The following MALRD1 variants were observed in gnomAD, a reference collection of about 807,000 sequenced individuals.
MALRD1 encodes MAM and LDL receptor class A domain containing 1.
In MALRD1, 247 loss-of-function variants were observed where a neutral mutation model predicts 242.1. The ratio of observed to expected loss-of-function variants is 1.02; its 90% CI spans 0.92 to 1.13. The LOEUF is 1.13. MALRD1 is among the 50% of genes most tolerant of loss of function. The pLI is 0.00. For synonymous variants in MALRD1, 995 were observed against 866.6 expected, an observed-to-expected ratio of 1.15 and a Z score of -2.60; for missense variants, 2,989 against 2,533.1, an observed-to-expected ratio of 1.18 and a Z score of -3.86.
chr10:19,209,772 G>A, intron 18 of MALRD1, 92 bp downstream of exon 18: 1 of 1,290,582 alleles, frequency 7.7e-7, no homozygotes, highest in Non-Finnish European at 1.0e-6. Context: ...TTAAAAGCAA[G>A]TGGAATTTGA....
At chr10:19,140,537 G>A (rs980864594) in intron 10 of MALRD1, among the ~76,000 whole-genome samples, 1 of 107,874 alleles carries the variant, frequency 9.3e-6, no homozygotes, top group South Asian at 3.5e-4. Flanking sequence ...GTGTGTGTGT[G>A]TGTGTATGTG....
At chr10:19,475,376 C>T (rs952163699) in intron 29 of MALRD1, among the ~76,000 whole-genome samples, 30 of 152,290 alleles carry the variant, frequency 2.0e-4, no homozygotes, top group Admixed American at 5.2e-4. Context: ...GATTGCATCA[C>T]TGCATTCCAG....
At chr10:19,565,508 T>C (rs982696849) in intron 32 of MALRD1, among the ~76,000 whole-genome samples, 1 of 152,216 alleles carries the variant, frequency 6.6e-6, no homozygotes, top group Admixed American at 6.5e-5. Flanking sequence ...CCAAGATTTG[T>C]GTAAAAATCA....
intron 33 of MALRD1, among the ~76,000 whole-genome samples, chr10:19,568,439 C>G (rs1361486386): frequency 6.6e-6 from 1 of 151,954 alleles, no homozygotes; most frequent in African/African-American, 2.4e-5. Context: ...TTGTTCTTCT[C>G]ATAGTTTTTC....
intron 38 of MALRD1, among the ~76,000 whole-genome samples, chr10:19,707,100 CCTT>C (rs986612637): frequency 1.1e-4 from 17 of 149,954 alleles, no homozygotes; most frequent in African/African-American, 1.5e-4. Context: ...CCTCTTCCTC[CCTT>C]CTTCTTCCTT....
chr10:19,216,344 C>G (rs1837314374), intron 18 of MALRD1, among the ~76,000 whole-genome samples: 1 of 151,838 alleles, frequency 6.6e-6, no homozygotes, highest in African/African-American at 2.4e-5. Context: ...TCTTGAACTC[C>G]TGACCTTGTG....
intron 38 of MALRD1, among the ~76,000 whole-genome samples, chr10:19,699,818 C>G (rs1833542076): frequency 6.6e-6 from 1 of 151,864 alleles, no homozygotes. Context: ...CTGGTGAGAC[C>G]TCACTCACTA....
In MALRD1 at chr10:19,560,959, A is replaced by T. The variant is rs185915957; in HGVS notation, c.5479-6543A>T. ...TGTATCCCAAAACTTAAAGTATAAT[A>T]AAAAAATGATAATCATACTAAAGGA... On this transcript the variant is annotated intron_variant, in intron 32 of 39. Coordinates refer to ENST00000454679, the MANE Select transcript of MALRD1 (RefSeq NM_001142308.3). Among the ~76,000 whole-genome samples, 70 of 152,290 alleles carry T rather than the reference A, an allele frequency of 4.6e-4. No homozygotes were observed. The East Asian group carries it at 0.013, about 28-fold the overall frequency.
chr10:19,679,610 G>C (rs1022738383), intron 36 of MALRD1, among the ~76,000 whole-genome samples: 2 of 151,818 alleles, frequency 1.3e-5, no homozygotes, highest in Admixed American at 1.3e-4. Context: ...ACACCTGCTG[G>C]ATTCGTTGAT....
chr10:19,414,236 A>G (rs1303386324), intron 28 of MALRD1, among the ~76,000 whole-genome samples: 1 of 152,196 alleles, frequency 6.6e-6, no homozygotes, highest in East Asian at 1.9e-4. Context: ...CATGGAACAC[A>G]CTAGAGGGGG....
At chr10:19,372,251 TTG>T (rs1845411694) in intron 26 of MALRD1, among the ~76,000 whole-genome samples, 1 of 152,216 alleles carries the variant, frequency 6.6e-6, no homozygotes, top group South Asian at 2.1e-4. Context: ...TCTTGGATTG[TTG>T]AGGGGAGAAT....
chr10:19,397,729 G>A (rs1846646518), intron 28 of MALRD1, among the ~76,000 whole-genome samples: 2 of 152,002 alleles, frequency 1.3e-5, no homozygotes, highest in African/African-American at 4.8e-5. Context: ...AGTGTTACTG[G>A]GTGTATAACA....
chr10:19,616,965 A>G (rs78773187), intron 36 of MALRD1, among the ~76,000 whole-genome samples: 1 of 151,982 alleles, frequency 6.6e-6, no homozygotes, highest in Admixed American at 6.6e-5. Flanking sequence ...TTAATTTATC[A>G]GAAACTATTA....
At chr10:19,614,467 G>A (rs1025083807) in intron 35 of MALRD1, among the ~76,000 whole-genome samples, 2 of 152,106 alleles carry the variant, frequency 1.3e-5, no homozygotes, top group South Asian at 4.1e-4. Flanking sequence ...CTGCAAGAAA[G>A]GTGTTGAATT....
rs1259610962 is a variant in MALRD1 at position 19,594,191 on chromosome 10, G to A, written c.5681-1003G>A. Among the ~76,000 whole-genome samples the A allele has an allele frequency of 2.6e-5, 4 of 152,046 alleles. No individual in the cohort carries two copies. In the South Asian group the frequency reaches 6.2e-4, roughly 24 times the overall value. On this transcript the variant is annotated intron_variant, in intron 33 of 39. Transcript: ENST00000454679. ...ACTGCATGAAAGTATCTTTTCACTC[G>A]AGCACAATCTGATTTAATAGTCCAA...
chr10:19,293,695 G>A (rs1159943881), intron 21 of MALRD1, among the ~76,000 whole-genome samples: 3 of 152,158 alleles, frequency 2.0e-5, no homozygotes, highest in East Asian at 3.9e-4. Context: ...ATAAGTGGGA[G>A]CTAAATGATA....
chr10:19,318,367 T>C (rs1842787108), intron 21 of MALRD1, among the ~76,000 whole-genome samples: 1 of 152,014 alleles, frequency 6.6e-6, no homozygotes, highest in African/African-American at 2.4e-5. Flanking sequence ...TATCTCCTTT[T>C]TTTTTTCTTT....
In MALRD1 at chr10:19,440,414, A is replaced by G. The variant is rs902598375; in HGVS notation, c.4846-9893A>G. Among the ~76,000 whole-genome samples the G allele has an allele frequency of 5.3e-5, 8 of 152,202 alleles. No individual in the cohort carries two copies. The East Asian group carries it at 9.7e-4, about 18-fold the overall frequency. ...CAACATACAGGTGTGTTACATATGTATACATGTGTCATGTTGGTGTGCTGC... is the reference window on the plus strand; with the variant it reads ...CAACATACAGGTGTGTTACATATGTGTACATGTGTCATGTTGGTGTGCTGC... On this transcript the variant is annotated intron_variant, in intron 28 of 39. Coordinates refer to ENST00000454679, the MANE Select transcript of MALRD1 (RefSeq NM_001142308.3).
At chr10:19,224,560 G>A (rs1837704966) in intron 18 of MALRD1, among the ~76,000 whole-genome samples, 1 of 152,140 alleles carries the variant, frequency 6.6e-6, no homozygotes, top group Admixed American at 6.5e-5. Flanking sequence ...CAAAGTGATG[G>A]GATTACAGGC....
Sources: gnomAD v4.1 joint callset for allele counts (sites outside exome capture counted in the v4.1 genomes callset) on GRCh38, gnomAD v4.1.1 for gene constraint, MANE v1.5 for transcripts, NCBI Gene and HGNC (gene_info 2026-07-23, HGNC 2026-07-21) for gene names.